The following ATXN8OS variants were observed in gnomAD, a reference collection of about 807,000 sequenced individuals.
ATXN8OS encodes the protein ATXN8 opposite strand lncRNA.
At chr13:70,112,236 G>C (rs2739857) in intron 1 of ATXN8OS, among the ~76,000 whole-genome samples, 6 of 152,028 alleles carry the variant, frequency 3.9e-5, no homozygotes, top group Non-Finnish European at 7.4e-5. Flanking sequence ...CCTCACACTA[G>C]GATCCTACTC....
chr13:70,145,809 C>T (rs302007), intron 3 of ATXN8OS, among the ~76,000 whole-genome samples: 107,269 of 151,756 alleles, frequency 0.71, 38,105 homozygotes, highest in African/African-American at 0.76. Flanking sequence ...CATAAAAACC[C>T]TAGAAGAAAA....
At chr13:70,163,886 GTT>G (rs59511009) in intron 4 of ATXN8OS, among the ~76,000 whole-genome samples, 1 of 144,924 alleles carries the variant, frequency 6.9e-6, no homozygotes, top group Non-Finnish European at 1.5e-5. Context: ...GGAAATCATG[GTT>G]TTTTTTTTAA....
rs114342069 is a variant in ATXN8OS, at chr13:70,116,466, C to T, written n.398+1168C>T. ...AGCAGAAGGAATAGAAAAGCAAGGG[C>T]CTGGGGCCATGATAAAGTTTGGTGT... On this transcript the variant is annotated intron_variant and non_coding_transcript_variant, in intron 2 of 4. Coordinates refer to ENST00000678624, the Ensembl canonical transcript of ATXN8OS. 2.8e-3 allele frequency among the ~76,000 whole-genome samples: 427 copies of T among 152,156 alleles called. 6 individuals carry two copies. Among genetic ancestry groups the T allele is most frequent in the African/African-American group, 9.3e-3 (387 of 41,524 alleles).
At chr13:70,142,351 T>G (rs1888729342) in intron 3 of ATXN8OS, among the ~76,000 whole-genome samples, 1 of 152,210 alleles carries the variant, frequency 6.6e-6, no homozygotes, top group Non-Finnish European at 1.5e-5. Context: ...TAACATTTCA[T>G]TTGCATTTAA....
chr13:70,127,915 GATAA>G (rs1181793283), intron 2 of ATXN8OS, among the ~76,000 whole-genome samples: 9 of 152,046 alleles, frequency 5.9e-5, no homozygotes, highest in African/African-American at 2.2e-4. Context: ...GAGAATGCGT[GATAA>G]ATGAGTGAGC....
At chr13:70,113,574 A>C (rs1888231462) in intron 1 of ATXN8OS, among the ~76,000 whole-genome samples, 1 of 152,208 alleles carries the variant, frequency 6.6e-6, no homozygotes, top group African/African-American at 2.4e-5. Context: ...TGATCAAAAT[A>C]AAATAGTAAG....
chr13:70,142,032 C>T (rs1834108422), intron 3 of ATXN8OS, among the ~76,000 whole-genome samples: 1 of 152,048 alleles, frequency 6.6e-6, no homozygotes, highest in Non-Finnish European at 1.5e-5. Context: ...GACAGGCACA[C>T]ACCACCACAC....
At chr13:70,123,774 T>C (rs534966256) in intron 2 of ATXN8OS, among the ~76,000 whole-genome samples, 19 of 152,250 alleles carry the variant, frequency 1.2e-4, no homozygotes, top group African/African-American at 3.8e-4. Flanking sequence ...TCATAATAAA[T>C]ATTTAACTTA....
chr13:70,163,900 G>A (rs1419675496), intron 4 of ATXN8OS, among the ~76,000 whole-genome samples: 1 of 149,776 alleles, frequency 6.7e-6, no homozygotes, highest in East Asian at 1.9e-4. Flanking sequence ...TTTTTTTAAT[G>A]TTTTGCCTGA....
intron 4 of ATXN8OS, among the ~76,000 whole-genome samples, chr13:70,164,415 A>C (rs1889054010): frequency 6.6e-6 from 1 of 151,802 alleles, no homozygotes; most frequent in Non-Finnish European, 1.5e-5. Flanking sequence ...TGAAAATAAA[A>C]ATTTTGTATT....
intron 1 of ATXN8OS, among the ~76,000 whole-genome samples, chr13:70,112,786 TTTTA>T (rs1382966903): frequency 6.6e-6 from 1 of 151,848 alleles, no homozygotes; most frequent in Non-Finnish European, 1.5e-5. Context: ...ATGAGCCAGG[TTTTA>T]TTTGTGTGTC....
At chr13:70,165,307 G>A (rs891630745) in intron 4 of ATXN8OS, among the ~76,000 whole-genome samples, 1 of 151,782 alleles carries the variant, frequency 6.6e-6, no homozygotes, top group Non-Finnish European at 1.5e-5. Flanking sequence ...TAGACTAGGA[G>A]AAGAAATAGT....
At chr13:70,151,253 AT>A (rs1321640626) in intron 4 of ATXN8OS, among the ~76,000 whole-genome samples, 1 of 152,140 alleles carries the variant, frequency 6.6e-6, no homozygotes, top group African/African-American at 2.4e-5. Context: ...GAAATTATTT[AT>A]CTTGTAGAAC....
chr13:70,134,486 G>A (rs757375574), intron 3 of ATXN8OS, among the ~76,000 whole-genome samples: 6 of 152,116 alleles, frequency 3.9e-5, no homozygotes, highest in Non-Finnish European at 5.9e-5. Context: ...AAGGATGCTC[G>A]TTGAGCAGAA....
At position 70,153,848 on chromosome 13, in the gene ATXN8OS, T is replaced by A. The variant is rs539489385; in HGVS notation, n.573+6420T>A. Among the ~76,000 whole-genome samples, 3 of 152,052 alleles carry A rather than the reference T, an allele frequency of 2.0e-5. No homozygotes were observed. In the East Asian group the frequency reaches 5.9e-4, roughly 30 times the overall value. Reference sequence around the variant, plus strand: ...GCACCTGCCACTACACCTGTCCAATTTTTTTTCTTTCTATTTTTTGTAGAG... The same window carrying A: ...GCACCTGCCACTACACCTGTCCAATATTTTTTCTTTCTATTTTTTGTAGAG... On this transcript the variant is annotated intron_variant and non_coding_transcript_variant, in intron 4 of 4. Coordinates refer to ENST00000678624, the Ensembl canonical transcript of ATXN8OS.
chr13:70,122,148 T>G (rs1162983981), intron 2 of ATXN8OS, among the ~76,000 whole-genome samples: 2 of 151,914 alleles, frequency 1.3e-5, no homozygotes, highest in Non-Finnish European at 2.9e-5. Context: ...GAAAGAACAA[T>G]AGATTTTAAA....
In ATXN8OS at chr13:70,165,927, T is replaced by C. The variant is rs371219871; in HGVS notation, n.574-3826T>C. 2.4e-3 allele frequency among the ~76,000 whole-genome samples: 368 copies of C among 152,136 alleles called. 1 individual carries two copies. The highest frequency in any genetic ancestry group is 8.5e-3 in the African/African-American group (352 of 41,546). On this transcript the variant is annotated intron_variant and non_coding_transcript_variant, in intron 4 of 4. Transcript: ENST00000678624. ...AACAGCACAGAAAGTAAAATAATAA[T>C]AGCACATCAATTAGTTTAGAGCAAA... is the stretch of plus-strand genomic sequence containing the variant.
chr13:70,107,682 T>C (rs1888107271), upstream of ATXN8OS: 1 of 1,530,620 alleles, frequency 6.5e-7, no homozygotes, highest in Non-Finnish European at 8.7e-7. Flanking sequence ...CGAAGTCTTT[T>C]CGCCCAGAGC....
At chr13:70,130,039 T>C (rs1159685880) in intron 3 of ATXN8OS, among the ~76,000 whole-genome samples, 1 of 152,128 alleles carries the variant, frequency 6.6e-6, no homozygotes, top group South Asian at 2.1e-4. Context: ...TTCAACAAGA[T>C]AGCAAATAAG....
Sources: gnomAD v4.1 joint callset for allele counts (sites outside exome capture counted in the v4.1 genomes callset) on GRCh38, gnomAD v4.1.1 for gene constraint, MANE v1.5 for transcripts, NCBI Gene and HGNC (gene_info 2026-07-23, HGNC 2026-07-21) for gene names.